The following MAGI1 variants were observed in gnomAD, a reference collection of about 807,000 sequenced individuals.
The protein encoded by MAGI1 is membrane-associated guanylate kinase, WW and PDZ domain-containing protein 1.
A neutral mutation model predicts 139.9 loss-of-function variants in MAGI1; 58 were observed. That is an observed-to-expected ratio of 0.41 (90% CI 0.34 to 0.52). The LOEUF is 0.52. Among genes scored for constraint, MAGI1 ranks in the 20% least tolerant of loss-of-function variants. The pLI is 0.12. For missense variants in MAGI1, 1,874 were observed against 1,901.6 expected, an observed-to-expected ratio of 0.99 and a Z score of 0.27; for synonymous variants, 812 against 737.9, an observed-to-expected ratio of 1.10 and a Z score of -1.63.
intron 1 of MAGI1, among the ~76,000 whole-genome samples, chr3:65,825,432 T>C (rs776038537): frequency 1.3e-5 from 2 of 152,164 alleles, no homozygotes; most frequent in Non-Finnish European, 2.9e-5. Flanking sequence ...TGACTTCATA[T>C]TGGTAGTCTG....
chr3:65,832,183 A>C (rs2108298975), intron 1 of MAGI1, among the ~76,000 whole-genome samples: 1 of 152,310 alleles, frequency 6.6e-6, no homozygotes, highest in Non-Finnish European at 1.5e-5. Flanking sequence ...CATAAATCAC[A>C]GTGCAGATCC....
rs533580163 is a variant in MAGI1 at position 65,926,855 on chromosome 3, C to T, written c.313+111141G>A. Among the ~76,000 whole-genome samples, 472 of 152,192 alleles carry T rather than the reference C, an allele frequency of 3.1e-3. 2 individuals are homozygous for T. Among genetic ancestry groups the T allele is most frequent in the African/African-American group, 0.011 (450 of 41,540 alleles). On this transcript the variant is annotated intron_variant, in intron 1 of 22. Transcript: ENST00000402939. ...TACTAAAAGTACAAAATTTGCTGGG[C>T]GCGGTGGTGCACACCTGTAACCCCA...
chr3:65,640,255 G>T (rs978916182), intron 1 of MAGI1, among the ~76,000 whole-genome samples: 41 of 152,010 alleles, frequency 2.7e-4, no homozygotes, highest in African/African-American at 9.4e-4. Context: ...TTTCTCTAGG[G>T]AACACTGACT....
chr3:65,949,236 A>G (rs898848542), intron 1 of MAGI1, among the ~76,000 whole-genome samples: 5 of 152,200 alleles, frequency 3.3e-5, no homozygotes, highest in African/African-American at 9.6e-5. Flanking sequence ...GCTGTGTCCA[A>G]CATTTGTGTC....
intron 1 of MAGI1, among the ~76,000 whole-genome samples, chr3:65,905,268 T>C (rs542051028): frequency 2.8e-4 from 43 of 152,150 alleles, no homozygotes; most frequent in Non-Finnish European, 5.7e-4. Flanking sequence ...CAAAAGATAA[T>C]AAAAATTAAT....
intron 5 of MAGI1, among the ~76,000 whole-genome samples, chr3:65,454,557 A>AT (rs5849671): frequency 0.58 from 83,394 of 142,826 alleles, 24,620 homozygotes; most frequent in African/African-American, 0.69. Flanking sequence ...AATAATAATA[A>AT]AAAAATACTT....
At chr3:65,536,202 T>C (rs1168473936) in intron 2 of MAGI1, among the ~76,000 whole-genome samples, 1 of 152,250 alleles carries the variant, frequency 6.6e-6, no homozygotes, top group Admixed American at 6.5e-5. Context: ...TTTGTTGTTT[T>C]TCTAATCTTA....
chr3:65,661,342 AC>A lies in MAGI1; in HGVS notation c.314-39255del, dbSNP rs929280923. 2.0e-3 allele frequency among the ~76,000 whole-genome samples: 303 copies of A among 152,302 alleles called. 8 individuals carry two copies. Among genetic ancestry groups the A allele is most frequent in the Admixed American group, 0.02 (301 of 15,288 alleles). ...TTCTGTATGTTGTTTTGGAAGTGGC[AC>A]CTTATTAAACACACAAGTCATTTTC... On this transcript the variant is annotated intron_variant, in intron 1 of 22. Coordinates refer to ENST00000402939, the MANE Select transcript of MAGI1 (RefSeq NM_001033057.2).
At chr3:65,899,261 A>T (rs947284869) in intron 1 of MAGI1, among the ~76,000 whole-genome samples, 14 of 152,200 alleles carry the variant, frequency 9.2e-5, no homozygotes, top group Non-Finnish European at 1.8e-4. Flanking sequence ...ATCTTTCAAA[A>T]CAGAAAATAC....
At chr3:65,388,756 C>T (rs779514395) in intron 14 of MAGI1, among the ~76,000 whole-genome samples, 1 of 149,978 alleles carries the variant, frequency 6.7e-6, no homozygotes, top group East Asian at 2.0e-4. Flanking sequence ...CAAAAAGGAA[C>T]AGGTTCTCAT....
intron 12 of MAGI1, among the ~76,000 whole-genome samples, chr3:65,412,493 TATTG>T (rs1945869438): frequency 6.6e-6 from 1 of 152,242 alleles, no homozygotes; most frequent in Non-Finnish European, 1.5e-5. Context: ...ATTGTTTACT[TATTG>T]ATTGTCTCTA....
At chr3:65,941,313 C>A (rs1049142250) in intron 1 of MAGI1, among the ~76,000 whole-genome samples, 1 of 151,670 alleles carries the variant, frequency 6.6e-6, no homozygotes, top group Admixed American at 6.6e-5. Context: ...AGCCACTGCA[C>A]TCCAGCCTAG....
At chr3:65,636,025 G>C (rs1200630110) in intron 1 of MAGI1, among the ~76,000 whole-genome samples, 2 of 152,112 alleles carry the variant, frequency 1.3e-5, no homozygotes, top group Admixed American at 6.5e-5. Flanking sequence ...GAGCATCCTT[G>C]AGTCTATTCT....
chr3:65,364,580 C>T lies in MAGI1; in HGVS notation c.3351+85G>A, dbSNP rs558499569. Reference sequence around the variant, plus strand: ...GGTTATTTCTTTTAAATTAAAGGTGCTTCAAAAAATATCCCATAAAAGTAG... The same window carrying T: ...GGTTATTTCTTTTAAATTAAAGGTGTTTCAAAAAATATCCCATAAAAGTAG... On this transcript the variant is annotated intron_variant, in intron 20 of 22. Transcript: ENST00000402939. The T allele has an allele frequency of 8.5e-5, 98 of 1,157,040 alleles. No homozygotes were observed. In the South Asian group the frequency reaches 1.1e-3, roughly 13 times the overall value. The allele number at this position is 1,157,040 out of a possible 1,614,324, so 71.7% of individuals were successfully genotyped here.
At chr3:65,359,147 T>C (rs745530599) in intron 22 of MAGI1, 16 of 1,613,302 alleles carry the variant, frequency 9.9e-6, no homozygotes, top group Non-Finnish European at 1.4e-5. Flanking sequence ...TTAGGAGGTA[T>C]CATCGCTGTG....
At chr3:65,400,156 A>G (rs1007259248) in intron 13 of MAGI1, among the ~76,000 whole-genome samples, 1 of 152,184 alleles carries the variant, frequency 6.6e-6, no homozygotes, top group Non-Finnish European at 1.5e-5. Context: ...ACACTTTGGC[A>G]TCTTTGTGGT....
chr3:65,494,263 G>C (rs1286007413), intron 2 of MAGI1, among the ~76,000 whole-genome samples: 8 of 152,192 alleles, frequency 5.3e-5, no homozygotes, highest in Non-Finnish European at 1.2e-4. Flanking sequence ...AAAGGACGCT[G>C]CATTTGCTAG....
intron 1 of MAGI1, among the ~76,000 whole-genome samples, chr3:65,957,069 G>A (rs975405306): frequency 3.3e-5 from 5 of 152,038 alleles, no homozygotes; most frequent in African/African-American, 1.2e-4. Context: ...TCCACTCTGA[G>A]GCATACCCTA....
intron 1 of MAGI1, among the ~76,000 whole-genome samples, chr3:66,025,591 A>G (rs912253608): frequency 2.0e-5 from 3 of 152,212 alleles, no homozygotes; most frequent in African/African-American, 7.2e-5. Flanking sequence ...ATATGCTGTT[A>G]GGCATGAAGA....
Sources: gnomAD v4.1 joint callset for allele counts (sites outside exome capture counted in the v4.1 genomes callset) on GRCh38, gnomAD v4.1.1 for gene constraint, MANE v1.5 for transcripts, NCBI Gene and HGNC (gene_info 2026-07-23, HGNC 2026-07-21) for gene names.